The following CDK14 variants were observed in gnomAD, a reference collection of about 807,000 sequenced individuals.
CDK14 encodes the protein cyclin-dependent kinase 14.
A neutral mutation model predicts 60.7 loss-of-function variants in CDK14; 34 were observed. The observed-to-expected ratio is 0.56, with a 90% CI of 0.43 to 0.75. CDK14 has a LOEUF of 0.75. Ranked by LOEUF, CDK14 falls within the 30% of genes least tolerant of loss-of-function variation. CDK14 has a pLI of 0.00. For missense variants in CDK14, 482 were observed against 564.1 expected, an observed-to-expected ratio of 0.85 and a Z score of 1.47; for synonymous variants, 197 against 203.7, an observed-to-expected ratio of 0.97 and a Z score of 0.28.
chr7:90,731,967 G>A (rs914620952), intron 3 of CDK14, among the ~76,000 whole-genome samples: 2 of 152,160 alleles, frequency 1.3e-5, no homozygotes, highest in African/African-American at 4.8e-5. Flanking sequence ...TATGATACTG[G>A]TTGTGGGTTT....
At chr7:91,139,270 C>A (rs572219871) in intron 14 of CDK14, among the ~76,000 whole-genome samples, 2 of 152,192 alleles carry the variant, frequency 1.3e-5, no homozygotes, top group African/African-American at 4.8e-5. Flanking sequence ...GGAGAAAGTA[C>A]TTCGCAAGTG....
At chr7:91,007,520 T>A (rs143233012) in intron 10 of CDK14, among the ~76,000 whole-genome samples, 22 of 152,332 alleles carry the variant, frequency 1.4e-4, no homozygotes, top group African/African-American at 5.3e-4. Context: ...GACAGAACAC[T>A]GCTAGACACA....
chr7:91,128,500 A>C (rs980121843), intron 14 of CDK14, among the ~76,000 whole-genome samples: 11 of 152,312 alleles, frequency 7.2e-5, no homozygotes, highest in Admixed American at 5.9e-4. Flanking sequence ...ATGTTCACCT[A>C]ACGTTAAGAT....
At chr7:90,817,885 C>T (rs772156747) in intron 5 of CDK14, among the ~76,000 whole-genome samples, 1 of 152,086 alleles carries the variant, frequency 6.6e-6, no homozygotes, top group Admixed American at 6.6e-5. Flanking sequence ...TGGATTATTC[C>T]GGATGGTTCA....
At chr7:90,792,106 TG>T (rs1805856971) in intron 5 of CDK14, among the ~76,000 whole-genome samples, 1 of 151,966 alleles carries the variant, frequency 6.6e-6, no homozygotes, top group Non-Finnish European at 1.5e-5. Flanking sequence ...TTCACCGTGT[TG>T]GCCAGGCTGG....
At chr7:90,949,477 C>T (rs1018014019) in intron 8 of CDK14, among the ~76,000 whole-genome samples, 5 of 151,956 alleles carry the variant, frequency 3.3e-5, no homozygotes, top group African/African-American at 1.2e-4. Context: ...GCTGGGATTA[C>T]AGGCATGAGC....
intron 3 of CDK14, among the ~76,000 whole-genome samples, chr7:90,745,424 T>C (rs1424090181): frequency 2.6e-5 from 4 of 152,206 alleles, no homozygotes; most frequent in Non-Finnish European, 4.4e-5. Flanking sequence ...TGCTGAATAA[T>C]TTTTCTATTT....
chr7:90,748,677 G>T (rs1248155360), intron 4 of CDK14, among the ~76,000 whole-genome samples: 1 of 152,066 alleles, frequency 6.6e-6, no homozygotes, highest in Admixed American at 6.5e-5. Flanking sequence ...CAACCTCCTG[G>T]GCTCAAACAG....
At chr7:90,826,160 T>G (rs1467789096) in intron 5 of CDK14, among the ~76,000 whole-genome samples, 1 of 152,212 alleles carries the variant, frequency 6.6e-6, no homozygotes, top group Non-Finnish European at 1.5e-5. Context: ...TTGCAACCAG[T>G]TGTCCACTTA....
chr7:90,675,658 T>G (rs1801184012), intron 2 of CDK14, among the ~76,000 whole-genome samples: 1 of 152,206 alleles, frequency 6.6e-6, no homozygotes, highest in South Asian at 2.1e-4. Flanking sequence ...TGTTCTCTTT[T>G]CTGTATATAT....
At chr7:91,202,688 G>T (rs999947242) in intron 14 of CDK14, among the ~76,000 whole-genome samples, 1 of 152,148 alleles carries the variant, frequency 6.6e-6, no homozygotes, top group East Asian at 1.9e-4. Context: ...GGGACATCCC[G>T]TGCTGCTGGC....
intron 2 of CDK14, among the ~76,000 whole-genome samples, chr7:90,604,535 A>G (rs1799378791): frequency 6.6e-6 from 1 of 152,186 alleles, no homozygotes; most frequent in South Asian, 2.1e-4. Context: ...TGCTTGAGAC[A>G]CGCAGAGTGA....
chr7:90,847,145 A>C (rs967013208), intron 5 of CDK14, among the ~76,000 whole-genome samples: 5 of 152,162 alleles, frequency 3.3e-5, no homozygotes, highest in Non-Finnish European at 7.3e-5. Context: ...GTGTTCTTGG[A>C]TGCTTGTCTA....
At chr7:91,002,013 G>A (rs1468222100) in intron 10 of CDK14, among the ~76,000 whole-genome samples, 1 of 152,178 alleles carries the variant, frequency 6.6e-6, no homozygotes, top group Non-Finnish European at 1.5e-5. Context: ...ATTACCTCTG[G>A]ACTGGTTGTT....
chr7:90,786,595 A>G (rs1805591918), intron 4 of CDK14, among the ~76,000 whole-genome samples: 1 of 152,154 alleles, frequency 6.6e-6, no homozygotes, highest in Non-Finnish European at 1.5e-5. Flanking sequence ...TTAGTAACTT[A>G]GACTGTCAAA....
intron 10 of CDK14, among the ~76,000 whole-genome samples, chr7:91,032,774 C>T (rs947258985): frequency 2.6e-5 from 4 of 152,144 alleles, no homozygotes; most frequent in Non-Finnish European, 2.9e-5. Flanking sequence ...GCACATTTCT[C>T]GTTTTAAGCC....
intron 5 of CDK14, among the ~76,000 whole-genome samples, chr7:90,851,449 A>G (rs777175377): frequency 2.6e-5 from 4 of 152,162 alleles, no homozygotes; most frequent in Non-Finnish European, 2.9e-5. Flanking sequence ...ATTTGAGAAG[A>G]TGATGGTAAT....
At chr7:90,701,749 G>T (rs1801791490) in intron 2 of CDK14, among the ~76,000 whole-genome samples, 1 of 152,156 alleles carries the variant, frequency 6.6e-6, no homozygotes, top group African/African-American at 2.4e-5. Flanking sequence ...GAGAAGTATT[G>T]CAGGATAGAA....
At chr7:91,075,890 A>G (rs1798293655) in intron 11 of CDK14, among the ~76,000 whole-genome samples, 2 of 152,144 alleles carry the variant, frequency 1.3e-5, no homozygotes, top group African/African-American at 4.8e-5. Flanking sequence ...AGAATAAAAT[A>G]CCTAGGAATA....
Sources: allele counts gnomAD v4.1 joint callset (sites outside exome capture counted in the v4.1 genomes callset), GRCh38; gene constraint gnomAD v4.1.1; transcripts MANE v1.5; gene names NCBI Gene and HGNC (gene_info 2026-07-23, HGNC 2026-07-21).